Variants in NBEA observed in about 807,000 individuals in gnomAD.
The protein encoded by NBEA is neurobeachin, also known as lysosomal-trafficking regulator 2.
A neutral mutation model predicts 343.4 loss-of-function variants in NBEA; 44 were observed. That is an observed-to-expected ratio of 0.13 (90% CI 0.10 to 0.16). The LOEUF (loss-of-function observed/expected upper bound fraction) is 0.16. Ranked by LOEUF, NBEA falls within the 10% of genes least tolerant of loss-of-function variation. NBEA has a pLI of 1.00. For missense variants in NBEA, 2,555 were observed against 3,631.3 expected, an observed-to-expected ratio of 0.70 and a Z score of 7.62; for synonymous variants, 1,175 against 1,238.7, an observed-to-expected ratio of 0.95 and a Z score of 1.08.
intron 7 of NBEA, among the ~76,000 whole-genome samples, chr13:35,056,943 CAA>C (rs1208983145): frequency 6.6e-6 from 1 of 152,048 alleles, no homozygotes; most frequent in African/African-American, 2.4e-5. Flanking sequence ...TATAATAAAA[CAA>C]AGAGACTTTA....
At chr13:35,332,114 A>T (rs1002641204) in intron 36 of NBEA, among the ~76,000 whole-genome samples, 5 of 152,032 alleles carry the variant, frequency 3.3e-5, no homozygotes, top group African/African-American at 9.7e-5. Flanking sequence ...ATACTTCATG[A>T]CAGGTACCAT....
At chr13:35,367,055 T>C (rs2041159108) in intron 38 of NBEA, among the ~76,000 whole-genome samples, 1 of 151,390 alleles carries the variant, frequency 6.6e-6, no homozygotes, top group African/African-American at 2.4e-5. Context: ...CTTTGCATGA[T>C]AATGATACAT....
intron 38 of NBEA, among the ~76,000 whole-genome samples, chr13:35,366,982 A>G (rs1272777416): frequency 6.6e-6 from 1 of 151,388 alleles, no homozygotes; most frequent in Non-Finnish European, 1.5e-5. Context: ...CATATGTAAC[A>G]AAAAAATGGC....
intron 24 of NBEA, among the ~76,000 whole-genome samples, chr13:35,167,215 A>G (rs1294395865): frequency 1.3e-5 from 2 of 152,048 alleles, no homozygotes; most frequent in Non-Finnish European, 2.9e-5. Context: ...CTGTGATAGT[A>G]CAAAAGCAGC....
intron 36 of NBEA, among the ~76,000 whole-genome samples, chr13:35,320,142 G>A (rs538739570): frequency 6.6e-6 from 1 of 152,248 alleles, no homozygotes; most frequent in Non-Finnish European, 1.5e-5. Context: ...TCATTATGAC[G>A]CTAGCTGGTT....
At chr13:34,996,555 G>A (rs1018393284) in intron 1 of NBEA, among the ~76,000 whole-genome samples, 3 of 151,892 alleles carry the variant, frequency 2.0e-5, no homozygotes, top group African/African-American at 7.3e-5. Context: ...GTGATTTATA[G>A]TATATTTACT....
At chr13:35,276,037 T>C (rs1196985579) in intron 34 of NBEA, among the ~76,000 whole-genome samples, 2 of 152,160 alleles carry the variant, frequency 1.3e-5, no homozygotes, top group Non-Finnish European at 2.9e-5. Context: ...CCAAAAGTTG[T>C]AGATGGCATA....
chr13:34,979,610 A>T (rs898275924), intron 1 of NBEA, among the ~76,000 whole-genome samples: 1 of 152,282 alleles, frequency 6.6e-6, no homozygotes, highest in East Asian at 1.9e-4. Flanking sequence ...GTAAGAGTTC[A>T]TTATCCTAGA....
chr13:35,280,990 T>A (rs78705410), intron 34 of NBEA, among the ~76,000 whole-genome samples: 7,976 of 152,144 alleles, frequency 0.052, 434 homozygotes, highest in East Asian at 0.17. Flanking sequence ...GACTTCTTTA[T>A]TGTATCATTA....
chr13:35,524,924 A>G (rs951123314), intron 41 of NBEA, among the ~76,000 whole-genome samples: 1 of 152,184 alleles, frequency 6.6e-6, no homozygotes, highest in Admixed American at 6.5e-5. Context: ...GAGTCAATAT[A>G]ATAAAGATAG....
chr13:35,467,970 C>CT (rs1156987682), intron 40 of NBEA, among the ~76,000 whole-genome samples: 2 of 152,136 alleles, frequency 1.3e-5, no homozygotes, highest in East Asian at 1.9e-4. Context: ...AACTCCAACT[C>CT]TTTTTTTTCC....
rs374199752 is a variant in NBEA at position 35,159,038 on chromosome 13, A to C, written c.2867A>C (p.Glu956Ala). 1.2e-6 allele frequency: 2 copies of C among 1,608,200 alleles called. No homozygotes were observed. The highest frequency in any genetic ancestry group is 1.7e-6 in the Non-Finnish European group (2 of 1,177,768). Reference protein sequence around the residue: ...HSKVTYEAHKEYLAKMYEEYQ... With the variant: ...HSKVTYEAHKAYLAKMYEEYQ... Reference sequence around the variant, plus strand: ...AAGGTCACTTATGAAGCTCATAAGGAATACCTAGCCAAAATGTATGAGGAA... The same window carrying C: ...AAGGTCACTTATGAAGCTCATAAGGCATACCTAGCCAAAATGTATGAGGAA... The change falls in exon 22 of 59, where the codon GAA (glutamate) becomes GCA (alanine). Residue 956 changes from glutamate to alanine, a missense_variant. By Grantham distance (107) the Glu-to-Ala change is moderately radical. Around this residue, in one of 21 missense-constraint regions of NBEA, gnomAD observed 18 missense variants for 21.7 expected, o/e 0.83. Transcript: ENST00000379939.
At chr13:35,242,206 T>C (rs2030422059) in intron 34 of NBEA, among the ~76,000 whole-genome samples, 1 of 151,772 alleles carries the variant, frequency 6.6e-6, no homozygotes, top group Non-Finnish European at 1.5e-5. Context: ...ACAAGGAGAA[T>C]ATGAACCTAA....
chr13:34,950,536 A>T (rs2059318440), intron 1 of NBEA, among the ~76,000 whole-genome samples: 1 of 151,148 alleles, frequency 6.6e-6, no homozygotes, highest in African/African-American at 2.4e-5. Flanking sequence ...TAATATTCTA[A>T]ATTAAAAAAT....
In NBEA at chr13:35,378,579, A is replaced by G. The variant is rs553764114; in HGVS notation, c.6179+26256A>G. On this transcript the variant is annotated intron_variant, in intron 38 of 58. Transcript: ENST00000379939. The stretch of plus-strand genomic sequence containing the variant: ...ATCAAGTTGATGGATTTGAATTTCA[A>G]ATACACGTTGAAATGGACTATAGAT... Among the ~76,000 whole-genome samples the G allele has an allele frequency of 2.1e-4, 32 of 152,162 alleles. No individual in the cohort carries two copies. The South Asian group carries it at 4.6e-3, about 22-fold the overall frequency.
At chr13:35,525,623 AGG>A (rs2077935582) in intron 41 of NBEA, among the ~76,000 whole-genome samples, 1 of 152,198 alleles carries the variant, frequency 6.6e-6, no homozygotes, top group Non-Finnish European at 1.5e-5. Context: ...CCATATTTAG[AGG>A]GAAGTGTACT....
At chr13:35,633,016 G>GAAAAA (rs35343385) in intron 49 of NBEA, among the ~76,000 whole-genome samples, 5 of 117,376 alleles carry the variant, frequency 4.3e-5, no homozygotes, top group African/African-American at 1.6e-4. Flanking sequence ...GTCTTATTTT[G>GAAAAA]AAAAAAAAAA....
intron 41 of NBEA, among the ~76,000 whole-genome samples, chr13:35,495,028 GA>G (rs1041611260): frequency 6.7e-5 from 10 of 149,944 alleles, no homozygotes; most frequent in Admixed American, 3.3e-4. Context: ...GAAAAGAAAA[GA>G]AAAAAAAATC....
chr13:35,453,198 A>G (rs1341837814), intron 40 of NBEA, among the ~76,000 whole-genome samples: 1 of 152,212 alleles, frequency 6.6e-6, no homozygotes, highest in East Asian at 1.9e-4. Flanking sequence ...TTCTCTTTTC[A>G]TCTTCAAAGA....
Sources: gnomAD v4.1 joint callset for allele counts (sites outside exome capture counted in the v4.1 genomes callset) on GRCh38, gnomAD v4.1.1 for gene constraint, gnomAD v4.1.1 regional missense constraint, MANE v1.5 for transcripts, NCBI Gene and HGNC (gene_info 2026-07-23, HGNC 2026-07-21) for gene names.